Variants in EML5 observed in about 807,000 individuals in gnomAD.
The protein encoded by EML5 is echinoderm microtubule-associated protein-like 5.
In EML5, 120 loss-of-function variants were observed where a neutral mutation model predicts 250.0. That is an observed-to-expected ratio of 0.48 (90% confidence interval 0.41 to 0.56). The LOEUF (loss-of-function observed/expected upper bound fraction) is 0.56, where lower values mean the gene tolerates loss of function less well. EML5 is among the 20% of genes least tolerant of loss of function. The pLI is 0.00. For synonymous variants in EML5, 771 were observed against 806.5 expected, an observed-to-expected ratio of 0.96 and a Z score of 0.75; for missense variants, 2,006 against 2,437.6, an observed-to-expected ratio of 0.82 and a Z score of 3.73.
chr14:88,705,656 T>G, intron 11 of EML5, 68 bp from the exon 12 acceptor site: 1 of 1,148,528 alleles, frequency 8.7e-7, no homozygotes, highest in Non-Finnish European at 1.3e-6. Context: ...CACTGAAAAA[T>G]TAATGATTAA....
Position 88,665,355 on chromosome 14 carries a change from C to T in EML5, c.3259G>A (p.Asp1087Asn), listed in dbSNP as rs1372823958. The stretch of plus-strand genomic sequence containing the variant: ...ATCTTACCAGGTGAAAATCGAATAT[C>T]TGAAATCATATCTTTTCTGTGATGA... Reference protein sequence around the residue: ...SFHHRKDMISDIRFSPGSGKY... With the variant: ...SFHHRKDMISNIRFSPGSGKY... The change falls in exon 22 of 44, where the codon GAT becomes AAT. Residue 1087 changes from aspartate to asparagine, a missense_variant. Physicochemically the swap from Asp to Asn is conservative, Grantham distance 23. Around this residue, in one of 7 missense-constraint regions of EML5, gnomAD observed 1,375 missense variants for 1,590.3 expected, o/e 0.86. Coordinates refer to ENST00000554922, the MANE Select transcript of EML5 (RefSeq NM_183387.3). 7.4e-6 allele frequency: 12 copies of T among 1,612,584 alleles called. No individual in the cohort carries two copies. Among genetic ancestry groups the T allele is most frequent in the Non-Finnish European group, 1.0e-5 (12 of 1,179,304 alleles).
At position 88,620,614 on chromosome 14, in the gene EML5, A is replaced by G. The variant is rs546888711; in HGVS notation, c.5375+140T>C. The G allele has an allele frequency of 2.6e-4, 175 of 674,672 alleles. No homozygotes were observed. The highest frequency in any genetic ancestry group is 3.6e-4 in the Non-Finnish European group (160 of 443,448). 41.8% of individuals were successfully genotyped at this position (674,672 alleles called of 1,614,324 possible). ...AGAATTAAGTAGTATACAAACAGCCATATTTTAGCATACAATTTATAATAC... is the reference window on the plus strand; with the variant it reads ...AGAATTAAGTAGTATACAAACAGCCGTATTTTAGCATACAATTTATAATAC... On this transcript the variant is annotated intron_variant, in intron 39 of 43. Transcript: ENST00000554922. The surrounding 1 kb of genome is among the most constrained non-coding windows in gnomAD (Gnocchi z 4.3).
intron 39 of EML5, 33 bp from the exon 40 acceptor site, chr14:88,618,845 C>T: frequency 6.5e-7 from 1 of 1,536,984 alleles, no homozygotes; most frequent in South Asian, 1.2e-5. Context: ...AAGTATTAGA[C>T]CACATGAAGT....
chr14:88,786,275 A>G (rs145402819), intron 1 of EML5, among the ~76,000 whole-genome samples: 50 of 152,248 alleles, frequency 3.3e-4, no homozygotes, highest in African/African-American at 1.2e-3. Context: ...TAGCTCTTAC[A>G]AACTATACAT....
At chr14:88,692,252 C>G (rs1460987535) in intron 17 of EML5, among the ~76,000 whole-genome samples, 1 of 152,036 alleles carries the variant, frequency 6.6e-6, no homozygotes, top group Non-Finnish European at 1.5e-5. Flanking sequence ...TGGCGGGCAC[C>G]TGTAATCCCA....
chr14:88,741,296 G>GA (rs1294796100), intron 4 of EML5, among the ~76,000 whole-genome samples: 5 of 151,982 alleles, frequency 3.3e-5, no homozygotes, highest in African/African-American at 1.2e-4. Flanking sequence ...TTAAGGATAG[G>GA]AAAAAAAGAG....
intron 21 of EML5, among the ~76,000 whole-genome samples, chr14:88,668,378 T>C (rs374298123): frequency 1.3e-5 from 2 of 150,928 alleles, no homozygotes; most frequent in African/African-American, 4.9e-5. Context: ...GTCAGTGAAG[T>C]AGAGAGAAGA....
Position 88,694,293 on chromosome 14 carries a change from A to C in EML5, c.2539+14T>G. The C allele has an allele frequency of 6.5e-7, 1 of 1,526,838 alleles. No homozygotes were observed. Among genetic ancestry groups the C allele is most frequent in the Non-Finnish European group, 8.9e-7 (1 of 1,122,110 alleles). The allele number at this position is 1,526,838 out of a possible 1,614,324, so 94.6% of individuals were successfully genotyped here. On this transcript the variant is annotated intron_variant, in intron 17 of 43. Transcript: ENST00000554922. Reference sequence around the variant, plus strand: ...CTTAAAATTCTATGGAGTAAAAAAGAAGCACTTTCTTACCTGCTTTACGCC... The same window carrying C: ...CTTAAAATTCTATGGAGTAAAAAAGCAGCACTTTCTTACCTGCTTTACGCC...
In EML5 at chr14:88,614,668, G is replaced by T. The variant is rs985850367; in HGVS notation, c.*1150C>A. ...TTCAATCTTCAGGAAACTACAGATA[G>T]GCTAGACAGCGAATTCCTGAATGAT... On this transcript the variant is annotated 3_prime_UTR_variant, in exon 44 of 44. Coordinates refer to ENST00000554922, the MANE Select transcript of EML5 (RefSeq NM_183387.3). 1 of 152,142 alleles carries T rather than the reference G, an allele frequency of 6.6e-6. No individual in the cohort carries two copies. The highest frequency in any genetic ancestry group is 2.4e-5 in the African/African-American group (1 of 41,436). The allele number at this position is 152,142 out of a possible 1,614,324, so 9.4% of individuals were successfully genotyped here.
At chr14:88,738,040 C>T (rs1381935124) in intron 6 of EML5, among the ~76,000 whole-genome samples, 3 of 152,096 alleles carry the variant, frequency 2.0e-5, no homozygotes, top group Non-Finnish European at 4.4e-5. Flanking sequence ...ATGTGTGTTA[C>T]ATGGCCAATA....
chr14:88,778,354 C>T (rs1029621045), intron 1 of EML5, among the ~76,000 whole-genome samples: 6 of 152,218 alleles, frequency 3.9e-5, no homozygotes, highest in Admixed American at 3.3e-4. Context: ...TCTTCAGGTA[C>T]ACAAGAGTTA....
rs71127000 is a variant in EML5 at position 88,662,339 on chromosome 14, G to GTTTTTT, written c.3499-515_3499-510dup. On this transcript the variant is annotated intron_variant, in intron 24 of 43. Transcript: ENST00000554922. ...CACAAAATGCAACACAATTTTTCTT[G>GTTTTTT]TTTTTTTTTTTTTTTTTTTTTTTTT... is the stretch of plus-strand genomic sequence containing the variant. Among the ~76,000 whole-genome samples the GTTTTTT allele has an allele frequency of 5.0e-4, 28 of 55,650 alleles. 2 individuals are homozygous for GTTTTTT. Among genetic ancestry groups the GTTTTTT allele is most frequent in the African/African-American group, 1.7e-3 (26 of 15,658 alleles). The allele number at this position is 55,650 out of a possible 152,430, so 36.5% of individuals were successfully genotyped here. A position where few individuals can be genotyped will look rare whatever the true frequency, so the allele number is the denominator to read the frequency against.
chr14:88,767,976 C>G (rs560042081), intron 1 of EML5, among the ~76,000 whole-genome samples: 51 of 152,264 alleles, frequency 3.3e-4, no homozygotes, highest in African/African-American at 1.2e-3. Context: ...TCCTCCTTAG[C>G]AACTTCCAGT....
intron 2 of EML5, among the ~76,000 whole-genome samples, chr14:88,750,923 T>C (rs900067950): frequency 6.6e-6 from 1 of 152,210 alleles, no homozygotes; most frequent in African/African-American, 2.4e-5. Flanking sequence ...AAGTGAGGAA[T>C]AGCCAGAGGG....
rs766091132 is a variant in EML5 at position 88,712,449 on chromosome 14, T to C, written c.1479A>G (p.Lys493=). 22 of 1,613,338 alleles carry C rather than the reference T, an allele frequency of 1.4e-5. No homozygotes were observed. The highest frequency in any genetic ancestry group is 1.8e-5 in the Non-Finnish European group (21 of 1,179,448). ...GKEVTSTEEI[K]GVHWASWTCV... ...ATGTCCATGAAGCCCAATGAACACC[T>C]TTTATTTCTTCTGTACTTGTCACTT... Residue 493 remains lysine, a synonymous_variant, in exon 10 of 44, where the codon AAA becomes AAG. Transcript: ENST00000554922.
intron 2 of EML5, among the ~76,000 whole-genome samples, chr14:88,751,588 C>G (rs566785889): frequency 6.7e-6 from 1 of 149,914 alleles, no homozygotes; most frequent in African/African-American, 2.4e-5. Context: ...AATGGAATAT[C>G]TACAGAACAT....
chr14:88,652,700 G>A (rs1379112609), intron 27 of EML5, among the ~76,000 whole-genome samples: 1 of 151,966 alleles, frequency 6.6e-6, no homozygotes, highest in Non-Finnish European at 1.5e-5. Flanking sequence ...CCTTCTTACT[G>A]TTTCTGGATC....
intron 17 of EML5, among the ~76,000 whole-genome samples, chr14:88,693,185 A>T (rs1479803089): frequency 2.0e-5 from 3 of 152,194 alleles, no homozygotes; most frequent in Non-Finnish European, 2.9e-5. Context: ...ACATAATTTG[A>T]TTAATCTCAT....
intron 31 of EML5, among the ~76,000 whole-genome samples, chr14:88,642,340 A>T (rs1355631015): frequency 6.6e-6 from 1 of 152,194 alleles, no homozygotes; most frequent in Non-Finnish European, 1.5e-5. Flanking sequence ...GAATAATCCA[A>T]CTGAATAACC....
Sources: gnomAD v4.1 joint callset for allele counts (sites outside exome capture counted in the v4.1 genomes callset) on GRCh38, gnomAD v4.1.1 for gene constraint, gnomAD v4.1.1 regional missense constraint, Gnocchi (gnomAD v3.1) non-coding constraint, MANE v1.5 for transcripts, NCBI Gene and HGNC (gene_info 2026-07-23, HGNC 2026-07-21) for gene names.